NEDD4L: variants seen among roughly 807,000 people sequenced by gnomAD.
NEDD4L encodes NEDD4 like E3 ubiquitin protein ligase.
In NEDD4L, 54 loss-of-function variants were observed where a neutral mutation model predicts 148.9. The ratio of observed to expected loss-of-function variants is 0.36; its 90% CI spans 0.29 to 0.45. The LOEUF (loss-of-function observed/expected upper bound fraction) is 0.45, where lower values mean the gene tolerates loss of function less well. NEDD4L is among the 20% of genes least tolerant of loss of function. The probability of loss-of-function intolerance (pLI) is 1.00; values close to 1 mark genes in which losing one functional copy is unlikely to be tolerated. For synonymous variants in NEDD4L, 433 were observed against 440.7 expected, an observed-to-expected ratio of 0.98 and a Z score of 0.22; for missense variants, 856 against 1,233.8, an observed-to-expected ratio of 0.69 and a Z score of 4.59.
At chr18:58,186,469 A>G (rs2039496319) in intron 2 of NEDD4L, among the ~76,000 whole-genome samples, 1 of 152,158 alleles carries the variant, frequency 6.6e-6, no homozygotes, top group South Asian at 2.1e-4. Flanking sequence ...TGTGTGAGTC[A>G]CACTCCCTTC....
chr18:58,249,203 T>C (rs1230971432), intron 4 of NEDD4L, among the ~76,000 whole-genome samples: 2 of 152,216 alleles, frequency 1.3e-5, no homozygotes, highest in Non-Finnish European at 2.9e-5. Context: ...TTCAAACCTT[T>C]CTTTAAGAAA....
In NEDD4L at chr18:58,158,271, A is replaced by G. The variant is rs2035758394; in HGVS notation, c.49-7517A>G. ...GGCTTTCCCCAGAGGGAATGATCCA[A>G]AAGAGAGGTGGAAGCCTAATGTCTT... is the stretch of plus-strand genomic sequence containing the variant. On this transcript the variant is annotated intron_variant, in intron 1 of 30. Transcript: ENST00000400345. Among the ~76,000 whole-genome samples the G allele has an allele frequency of 2.6e-5, 4 of 152,382 alleles. No homozygotes were observed. In the South Asian group the frequency reaches 8.3e-4, roughly 32 times the overall value.
intron 1 of NEDD4L, among the ~76,000 whole-genome samples, chr18:58,158,676 C>T (rs776021171): frequency 3.3e-5 from 5 of 152,106 alleles, no homozygotes; most frequent in Non-Finnish European, 5.9e-5. Flanking sequence ...AACTTGACCA[C>T]GTGTTATGTG....
rs569234561 is a variant in NEDD4L, at chr18:58,204,823, A to G, written c.122+38962A>G. Among the ~76,000 whole-genome samples, 61 of 152,374 alleles carry G rather than the reference A, an allele frequency of 4.0e-4. 1 individual carries two copies. In the South Asian group the frequency reaches 0.012, roughly 29 times the overall value. ...TATGTGAATGTTTAAAAAAGAAGCA[A>G]GAAGGTGCTATAAAAAGCACTAGAG... On this transcript the variant is annotated intron_variant, in intron 2 of 30. Coordinates refer to ENST00000400345, the MANE Select transcript of NEDD4L (RefSeq NM_001144967.3).
intron 5 of NEDD4L, among the ~76,000 whole-genome samples, chr18:58,300,711 C>T (rs2056348766): frequency 1.3e-5 from 2 of 152,182 alleles, no homozygotes; most frequent in Admixed American, 6.5e-5. Flanking sequence ...TGCAGTATTA[C>T]CGAATTCCAG....
At chr18:58,224,217 C>T (rs1490821833) in intron 2 of NEDD4L, among the ~76,000 whole-genome samples, 1 of 152,240 alleles carries the variant, frequency 6.6e-6, no homozygotes. Context: ...CAATTATAAA[C>T]AGCCTCCTCT....
At chr18:58,139,799 G>A (rs563550746) in intron 1 of NEDD4L, among the ~76,000 whole-genome samples, 4 of 152,306 alleles carry the variant, frequency 2.6e-5, no homozygotes, top group Admixed American at 1.3e-4. Flanking sequence ...GGAAACCACC[G>A]TAGAACCCCC....
chr18:58,385,488 A>T (rs1189852797), intron 25 of NEDD4L, 38 bp from the exon 26 acceptor site: 2 of 1,536,028 alleles, frequency 1.3e-6, no homozygotes, highest in Admixed American at 1.7e-5. Context: ...ACTAGTGATG[A>T]TGGAGGTGGT....
At position 58,397,343 on chromosome 18, in the gene NEDD4L, C is replaced by CTGGTT. The variant is rs2050560849; in HGVS notation, c.*1076_*1080dup. 6.6e-6 allele frequency: 1 copy of CTGGTT among 152,600 alleles called. No homozygotes were observed. The highest frequency in any genetic ancestry group is 1.5e-5 in the Non-Finnish European group (1 of 68,030). The allele number at this position is 152,600 out of a possible 1,614,324, so 9.5% of individuals were successfully genotyped here. On this transcript the variant is annotated 3_prime_UTR_variant, in exon 31 of 31. Coordinates refer to ENST00000400345, the MANE Select transcript of NEDD4L (RefSeq NM_001144967.3). Reference sequence around the variant, plus strand: ...TTTATGTACTACATGGAGGTCATATCTGGTTTTGTTTTTATTTTTTTATCA... The same window carrying CTGGTT: ...TTTATGTACTACATGGAGGTCATATCTGGTTTGGTTTTGTTTTTATTTTTTTATCA...
intron 1 of NEDD4L, chr18:58,054,853 C>T (rs1255677438): frequency 3.3e-5 from 5 of 152,156 alleles, no homozygotes; most frequent in South Asian, 2.1e-4. Context: ...CTAGAGTATG[C>T]TTATGCTGAT....
intron 1 of NEDD4L, among the ~76,000 whole-genome samples, chr18:58,108,687 T>G (rs2085232350): frequency 6.6e-6 from 1 of 152,138 alleles, no homozygotes; most frequent in Non-Finnish European, 1.5e-5. Flanking sequence ...CCCCAAAGTG[T>G]TGCGATTACA....
rs1168427708 is a variant in NEDD4L, at chr18:58,357,516, G to T, written c.1767+264G>T. ...AACATTTTTCTTCTCCTTTATAAAAGGGTGGACTATAAGTATAGTCAAAAT... is the reference window on the plus strand; with the variant it reads ...AACATTTTTCTTCTCCTTTATAAAATGGTGGACTATAAGTATAGTCAAAAT... On this transcript the variant is annotated intron_variant, in intron 19 of 30. Coordinates refer to ENST00000400345, the MANE Select transcript of NEDD4L (RefSeq NM_001144967.3). 22 of 629,000 alleles carry T rather than the reference G, an allele frequency of 3.5e-5. 1 individual carries two copies. The highest frequency in any genetic ancestry group is 1.5e-5 in the Non-Finnish European group (5 of 339,496). 39.0% of individuals were successfully genotyped at this position (629,000 alleles called of 1,614,324 possible).
chr18:58,180,179 T>C (rs1204122876), intron 2 of NEDD4L, among the ~76,000 whole-genome samples: 1 of 152,090 alleles, frequency 6.6e-6, no homozygotes, highest in East Asian at 1.9e-4. Context: ...CTGCAACGCA[T>C]CCCTCTCCGA....
intron 1 of NEDD4L, among the ~76,000 whole-genome samples, chr18:58,052,465 A>G (rs2144520843): frequency 6.6e-6 from 1 of 152,186 alleles, no homozygotes; most frequent in East Asian, 1.9e-4. Context: ...TTTGTCCCTG[A>G]CTTCAGTCCT....
intron 5 of NEDD4L, among the ~76,000 whole-genome samples, chr18:58,303,010 A>G (rs1276684698): frequency 6.6e-6 from 1 of 152,214 alleles, no homozygotes; most frequent in African/African-American, 2.4e-5. Context: ...GAGGCAAGAG[A>G]GGCATCAGAA....
At chr18:58,076,666 G>A (rs1256309739) in intron 1 of NEDD4L, among the ~76,000 whole-genome samples, 1 of 152,006 alleles carries the variant, frequency 6.6e-6, no homozygotes, top group Non-Finnish European at 1.5e-5. Flanking sequence ...GGGCGGGCGG[G>A]CTGGAGTTGG....
In NEDD4L at chr18:58,153,423, T is replaced by G. The variant is rs565344926; in HGVS notation, c.49-12365T>G. ...GGCACAATCTTGGCTCACTGCAACCTCCGCCTCCCAGGTTCCAGCGGTTCT... is the reference window on the plus strand; with the variant it reads ...GGCACAATCTTGGCTCACTGCAACCGCCGCCTCCCAGGTTCCAGCGGTTCT... On this transcript the variant is annotated intron_variant, in intron 1 of 30. Transcript: ENST00000400345. Among the ~76,000 whole-genome samples the G allele has an allele frequency of 3.5e-5, 5 of 143,968 alleles. No homozygotes were observed. The South Asian group carries it at 1.2e-3, about 35-fold the overall frequency. The allele number at this position is 143,968 out of a possible 152,430, so 94.4% of individuals were successfully genotyped here.
rs145266109 is a variant in NEDD4L, at chr18:58,185,185, G to A, written c.122+19324G>A. Among the ~76,000 whole-genome samples, 624 of 152,230 alleles carry A rather than the reference G, an allele frequency of 4.1e-3. 19 individuals carry two copies. The highest frequency in any genetic ancestry group is 0.031 in the Admixed American group (472 of 15,294). ...TTAGTGCCACAGGAATGACAGGGAGGTCTTAATTGTGATCGGACCGTGGGA... is the reference window on the plus strand; with the variant it reads ...TTAGTGCCACAGGAATGACAGGGAGATCTTAATTGTGATCGGACCGTGGGA... On this transcript the variant is annotated intron_variant, in intron 2 of 30. Coordinates refer to ENST00000400345, the MANE Select transcript of NEDD4L (RefSeq NM_001144967.3).
At chr18:58,275,672 A>G (rs2051807803) in intron 5 of NEDD4L, among the ~76,000 whole-genome samples, 1 of 152,146 alleles carries the variant, frequency 6.6e-6, no homozygotes, top group Non-Finnish European at 1.5e-5. Context: ...CCTGCACATC[A>G]TGGGTGCTGC....
Sources: allele counts gnomAD v4.1 joint callset (sites outside exome capture counted in the v4.1 genomes callset), GRCh38; gene constraint gnomAD v4.1.1; transcripts MANE v1.5; gene names NCBI Gene and HGNC (gene_info 2026-07-23, HGNC 2026-07-21).